Variants in ARHGAP10 observed in about 807,000 individuals in gnomAD.
ARHGAP10 encodes the protein Rho GTPase activating protein 10, also known as rho GTPase-activating protein 10.
In ARHGAP10, 87 loss-of-function variants were observed where a neutral mutation model predicts 108.6. The ratio of observed to expected loss-of-function variants is 0.80; its 90% CI spans 0.67 to 0.96. The LOEUF (loss-of-function observed/expected upper bound fraction) is 0.96. Among genes scored for constraint, ARHGAP10 ranks in the 40% least tolerant of loss-of-function variants. ARHGAP10 has a pLI of 0.00. For missense variants in ARHGAP10, 939 were observed against 954.5 expected (o/e 0.98, Z 0.21); for synonymous variants, 347 against 341.1 (o/e 1.02, Z -0.19).
At chr4:147,854,226 G>GT (rs1733996920) in intron 4 of ARHGAP10, among the ~76,000 whole-genome samples, 1 of 152,116 alleles carries the variant, frequency 6.6e-6, no homozygotes. Flanking sequence ...GCTTCCTCGT[G>GT]TTGTTACAAT....
In ARHGAP10 at chr4:147,822,760, C is replaced by T; in HGVS notation, c.188C>T (p.Ser63Leu). The T allele has an allele frequency of 6.2e-7, 1 of 1,614,240 alleles. No individual in the cohort carries two copies. Among genetic ancestry groups the T allele is most frequent in the Non-Finnish European group, 8.5e-7 (1 of 1,180,038 alleles). The change falls in exon 2 of 23, where the codon TCA becomes TTA. Residue 63 changes from serine (S) to leucine (L), a missense_variant. Physicochemically the swap from Ser to Leu is moderately radical, Grantham distance 145. Coordinates refer to ENST00000336498, the MANE Select transcript of ARHGAP10 (RefSeq NM_024605.4). ...GTGGCCCAGCGGAAGTTTGCTCATTCACTCAGAGACTTTAAGTTTGAGTTT... is the reference window on the plus strand; with the variant it reads ...GTGGCCCAGCGGAAGTTTGCTCATTTACTCAGAGACTTTAAGTTTGAGTTT... ...LSVAQRKFAH[S>L]LRDFKFEFIG...
At chr4:148,038,019 C>T (rs959432550) in intron 19 of ARHGAP10, among the ~76,000 whole-genome samples, 7 of 152,070 alleles carry the variant, frequency 4.6e-5, no homozygotes, top group Non-Finnish European at 8.8e-5. Flanking sequence ...TTATTTACAA[C>T]ATCAAGTCCA....
chr4:147,996,509 TC>T (rs1029872575), intron 18 of ARHGAP10, among the ~76,000 whole-genome samples: 36 of 152,138 alleles, frequency 2.4e-4, no homozygotes, highest in African/African-American at 8.2e-4. Context: ...AGACTGAGAC[TC>T]CCTGGGGGAC....
intron 10 of ARHGAP10, among the ~76,000 whole-genome samples, chr4:147,897,857 A>T (rs566719592): frequency 3.3e-5 from 5 of 151,960 alleles, no homozygotes; most frequent in Non-Finnish European, 5.9e-5. Context: ...TTTTTTGGCT[A>T]TATGTGTATA....
At chr4:147,763,476 T>G (rs1484688093) in intron 1 of ARHGAP10, among the ~76,000 whole-genome samples, 1 of 152,040 alleles carries the variant, frequency 6.6e-6, no homozygotes, top group Admixed American at 6.6e-5. Context: ...CATACCCAGC[T>G]AATTTTTGTG....
chr4:147,793,646 C>T (rs1044511460), intron 1 of ARHGAP10, among the ~76,000 whole-genome samples: 1 of 152,202 alleles, frequency 6.6e-6, no homozygotes, highest in Non-Finnish European at 1.5e-5. Flanking sequence ...CCTGCCCTCA[C>T]TTCTGAGGCT....
chr4:148,015,602 G>A lies in ARHGAP10; in HGVS notation c.1717-7661G>A, dbSNP rs1239899164. Among the ~76,000 whole-genome samples, 4 of 152,328 alleles carry A rather than the reference G, an allele frequency of 2.6e-5. 1 individual carries two copies. Among genetic ancestry groups the A allele is most frequent in the African/African-American group, 9.6e-5 (4 of 41,574 alleles). Reference sequence around the variant, plus strand: ...GAAAAGACCCTCATTTAGTCATGGTGATTCAAGGACAGAGAGTCGGAAAAG... The same window carrying A: ...GAAAAGACCCTCATTTAGTCATGGTAATTCAAGGACAGAGAGTCGGAAAAG... On this transcript the variant is annotated intron_variant, in intron 18 of 22. Coordinates refer to ENST00000336498, the MANE Select transcript of ARHGAP10 (RefSeq NM_024605.4).
chr4:147,934,596 G>T (rs934371924), intron 13 of ARHGAP10, among the ~76,000 whole-genome samples: 4 of 152,190 alleles, frequency 2.6e-5, no homozygotes, highest in Non-Finnish European at 5.9e-5. Flanking sequence ...AGCACTTTGG[G>T]ATGCCCTGAG....
rs62330670 is a variant in ARHGAP10, at chr4:147,766,816, A to T, written c.154+34361A>T. ...TATATTCACATATATATATATATAT[A>T]TATATATATATATATATATATATTT... On this transcript the variant is annotated intron_variant, in intron 1 of 22. Coordinates refer to ENST00000336498, the MANE Select transcript of ARHGAP10 (RefSeq NM_024605.4). 1.4e-4 allele frequency among the ~76,000 whole-genome samples: 2 copies of T among 14,528 alleles called. 1 individual carries two copies. 9.5% of individuals were successfully genotyped at this position (14,528 alleles called of 152,430 possible).
At chr4:147,810,323 A>G (rs184968574) in intron 1 of ARHGAP10, among the ~76,000 whole-genome samples, 2 of 152,282 alleles carry the variant, frequency 1.3e-5, no homozygotes, top group Non-Finnish European at 2.9e-5. Context: ...AGTGATTTCT[A>G]TTTATTTTGT....
chr4:147,748,564 G>A lies in ARHGAP10; in HGVS notation c.154+16109G>A, dbSNP rs553736722. On this transcript the variant is annotated intron_variant, in intron 1 of 22. Coordinates refer to ENST00000336498, the MANE Select transcript of ARHGAP10 (RefSeq NM_024605.4). ...GAAAACAAAAACAAAATGATACAGG[G>A]AGTGGGAGGAAACTTTTGGATGTGA... is the stretch of plus-strand genomic sequence containing the variant. 2.3e-3 allele frequency among the ~76,000 whole-genome samples: 351 copies of A among 152,260 alleles called. 1 individual carries two copies. The highest frequency in any genetic ancestry group is 8.1e-3 in the African/African-American group (335 of 41,542).
At chr4:147,748,941 A>G (rs933374815) in intron 1 of ARHGAP10, among the ~76,000 whole-genome samples, 1 of 152,188 alleles carries the variant, frequency 6.6e-6, no homozygotes, top group Non-Finnish European at 1.5e-5. Flanking sequence ...CCTGGGCAGC[A>G]GAGTGAGACC....
At position 147,857,771 on chromosome 4, in the gene ARHGAP10, A is replaced by G. The variant is rs898378274; in HGVS notation, c.486+117A>G. 2.7e-5 allele frequency: 24 copies of G among 898,442 alleles called. No individual in the cohort carries two copies. In the African/African-American group the frequency reaches 3.3e-4, roughly 12 times the overall value. 55.7% of individuals were successfully genotyped at this position (898,442 alleles called of 1,614,324 possible). ...CTGGCATTATATAGAGATAACAAAA[A>G]GTGAACAGGTATTGTCATAAATTAA... On this transcript the variant is annotated intron_variant, in intron 5 of 22. Transcript: ENST00000336498.
intron 1 of ARHGAP10, among the ~76,000 whole-genome samples, chr4:147,771,203 C>T (rs749063528): frequency 1.3e-5 from 2 of 152,098 alleles, no homozygotes; most frequent in Non-Finnish European, 2.9e-5. Context: ...AAAAGAATCC[C>T]GTGTCTGAAT....
intron 1 of ARHGAP10, among the ~76,000 whole-genome samples, chr4:147,788,519 G>A (rs1730988213): frequency 6.6e-6 from 1 of 152,138 alleles, no homozygotes; most frequent in African/African-American, 2.4e-5. Flanking sequence ...ACTTTTGTTT[G>A]TCCAGTCCTT....
chr4:147,965,203 C>G, intron 17 of ARHGAP10, 74 bp downstream of exon 17: 1 of 1,150,176 alleles, frequency 8.7e-7, no homozygotes, highest in South Asian at 1.8e-5. Flanking sequence ...GGATTTGTGA[C>G]GGGTGGAACT....
At chr4:147,913,233 A>G in intron 13 of ARHGAP10, 94 bp downstream of exon 13, 1 of 1,113,638 alleles carries the variant, frequency 9.0e-7, no homozygotes. Flanking sequence ...GTGTTACAGA[A>G]TGAAACGTGT....
At chr4:147,878,700 A>G (rs1052368522) in intron 8 of ARHGAP10, among the ~76,000 whole-genome samples, 2 of 151,522 alleles carry the variant, frequency 1.3e-5, no homozygotes, top group African/African-American at 4.8e-5. Flanking sequence ...TTTAAACAGT[A>G]TGTCTTTAAA....
intron 1 of ARHGAP10, among the ~76,000 whole-genome samples, chr4:147,743,756 A>G (rs1390011245): frequency 6.6e-6 from 1 of 152,180 alleles, no homozygotes; most frequent in African/African-American, 2.4e-5. Flanking sequence ...CAGCCTGGGC[A>G]ACAAGAGTGA....
Sources: gnomAD v4.1 joint callset for allele counts (sites outside exome capture counted in the v4.1 genomes callset) on GRCh38, gnomAD v4.1.1 for gene constraint, MANE v1.5 for transcripts, NCBI Gene and HGNC (gene_info 2026-07-23, HGNC 2026-07-21) for gene names.